MSTO1: variants seen among roughly 807,000 people sequenced by gnomAD.
The protein encoded by MSTO1 is protein misato homolog 1.
In MSTO1, 24 loss-of-function variants were observed where a neutral mutation model predicts 55.7. That is an observed-to-expected ratio of 0.43 (90% confidence interval 0.31 to 0.61). The LOEUF (loss-of-function observed/expected upper bound fraction) is 0.61, where lower values mean the gene tolerates loss of function less well. Ranked by LOEUF, MSTO1 falls within the 20% of genes least tolerant of loss-of-function variation. MSTO1 has a pLI of 0.09. For missense variants in MSTO1, 363 were observed against 625.7 expected (o/e 0.58, Z 4.48); for synonymous variants, 162 against 252.8 (o/e 0.64, Z 3.41).
At chr1:155,606,208 T>A (rs1167988841), upstream of MSTO1, among the ~76,000 whole-genome samples, 7 of 121,012 alleles carry the variant, frequency 5.8e-5, no homozygotes, top group African/African-American at 2.1e-4. Flanking sequence ...CTTTTTTTTT[T>A]TTTTTTTTTT....
Position 155,612,492 on chromosome 1 carries a change from T to G in MSTO1, c.888T>G (p.Leu296=). ...TGCACCTGACTGCTCACAGCTCTCT[T>G]GTCTGCCCCTTGTCCTTGGGTGGGA... ...GLVHLTAHSS[L]VCPLSLGGSL... is the part of the protein sequence containing the mutation. Residue 296 remains leucine, a synonymous_variant, in exon 9 of 14, where the codon CTT becomes CTG. Transcript: ENST00000245564. 6.2e-7 allele frequency: 1 copy of G among 1,613,902 alleles called. No individual in the cohort carries two copies. Among genetic ancestry groups the G allele is most frequent in the Non-Finnish European group, 8.5e-7 (1 of 1,179,886 alleles).
At chr1:155,594,144 G>A in the MSTO1 span, among the ~76,000 whole-genome samples, 2 of 152,094 alleles carry the variant, frequency 1.3e-5, no homozygotes, top group South Asian at 2.1e-4. Context: ...GCTCACACCT[G>A]TAATCTCAGT....
At chr1:155,563,554 T>C in the MSTO1 span, 3 of 456,296 alleles carry the variant, frequency 6.6e-6, no homozygotes, top group Admixed American at 2.3e-5. Context: ...CCACTGTCCA[T>C]ATGCGATGAT....
upstream of MSTO1, among the ~76,000 whole-genome samples, chr1:155,607,958 C>G (rs1672966092): frequency 6.6e-6 from 1 of 152,184 alleles, no homozygotes; most frequent in Admixed American, 6.5e-5. Flanking sequence ...GAGATTGCAC[C>G]ACTGCACTCC....
At chr1:155,597,808 C>T in the MSTO1 span, among the ~76,000 whole-genome samples, 1 of 150,656 alleles carries the variant, frequency 6.6e-6, no homozygotes, top group African/African-American at 2.4e-5. Flanking sequence ...CAGCACCCAG[C>T]CACTACTTTT....
At chr1:155,571,714 G>A in the MSTO1 span, among the ~76,000 whole-genome samples, 1 of 152,124 alleles carries the variant, frequency 6.6e-6, no homozygotes, top group African/African-American at 2.4e-5. Flanking sequence ...ACAGCATAAG[G>A]AATTCTGCTT....
the MSTO1 span, among the ~76,000 whole-genome samples, chr1:155,574,120 G>A: frequency 7.6e-3 from 1,161 of 152,100 alleles, 4 homozygotes; most frequent in Middle Eastern, 0.048. Flanking sequence ...ACTTTTAGGA[G>A]GCAGAGGCAG....
chr1:155,576,765 G>T, the MSTO1 span, among the ~76,000 whole-genome samples: 5,949 of 150,758 alleles, frequency 0.039, 396 homozygotes, highest in African/African-American at 0.14. Flanking sequence ...TGTAATCCCA[G>T]CACTTTGGGA....
chr1:155,590,624 A>T, the MSTO1 span: 2 of 1,377,990 alleles, frequency 1.5e-6, no homozygotes, highest in Middle Eastern at 1.9e-4. Flanking sequence ...TTGGTAGGGT[A>T]CTCAGAGGTC....
chr1:155,591,088 G>A, the MSTO1 span: 2 of 1,613,648 alleles, frequency 1.2e-6, no homozygotes, highest in African/African-American at 1.3e-5. Context: ...CATCTGGCTA[G>A]TGCTCTGCAC....
the MSTO1 span, among the ~76,000 whole-genome samples, chr1:155,576,236 T>A: frequency 1.3e-5 from 2 of 152,226 alleles, no homozygotes; most frequent in African/African-American, 4.8e-5. Context: ...CTGTGGGTTG[T>A]CTTCCACTTA....
Position 155,613,235 on chromosome 1 carries a change from T to G in MSTO1, c.1283+2T>G, listed in dbSNP as rs768834113. ...TATAGACAGAGCATGCCACACAAGG[T>G]GAGAGCTGTTGGTCCTTAGGAGTCC... On this transcript the variant is annotated splice_donor_variant, in intron 11 of 13. Transcript: ENST00000245564. LOFTEE classifies it high-confidence loss of function. The G allele has an allele frequency of 6.2e-7, 1 of 1,612,440 alleles. No individual in the cohort carries two copies. The highest frequency in any genetic ancestry group is 1.1e-5 in the South Asian group (1 of 90,988).
the MSTO1 span, chr1:155,563,289 G>C: frequency 6.6e-5 from 30 of 456,162 alleles, no homozygotes; most frequent in Admixed American, 2.1e-4. Flanking sequence ...CAGGCGGTGT[G>C]TGCCGGTCGC....
the MSTO1 span, chr1:155,598,875 C>T: frequency 1.4e-6 from 2 of 1,455,870 alleles, no homozygotes; most frequent in Non-Finnish European, 1.9e-6. Context: ...TTATTCATTT[C>T]TGTGCAAAAC....
At chr1:155,575,224 A>G in the MSTO1 span, among the ~76,000 whole-genome samples, 3 of 151,694 alleles carry the variant, frequency 2.0e-5, no homozygotes, top group Admixed American at 6.6e-5. Flanking sequence ...CAAAAAAAAA[A>G]AGAGAGAGAG....
chr1:155,569,760 T>G, the MSTO1 span, among the ~76,000 whole-genome samples: 3 of 151,956 alleles, frequency 2.0e-5, no homozygotes, highest in Non-Finnish European at 2.9e-5. Context: ...GGTTTTTTTG[T>G]TTTTTTAGGT....
the MSTO1 span, among the ~76,000 whole-genome samples, chr1:155,595,136 TAA>T: frequency 1.2e-4 from 11 of 89,332 alleles, no homozygotes; most frequent in African/African-American, 2.7e-4. Flanking sequence ...AGATTCTGTC[TAA>T]AAAAAAAAAA....
chr1:155,563,512 G>A, the MSTO1 span: 1 of 456,328 alleles, frequency 2.2e-6, no homozygotes, highest in Non-Finnish European at 4.4e-6. Context: ...TTTTGTTGTT[G>A]TTAACCCTCC....
the MSTO1 span, among the ~76,000 whole-genome samples, chr1:155,602,955 A>C: frequency 6.6e-6 from 1 of 152,188 alleles, no homozygotes; most frequent in African/African-American, 2.4e-5. Context: ...CTGGATATAA[A>C]GCAGAGTCAC....
Sources: gnomAD v4.1 joint callset for allele counts (sites outside exome capture counted in the v4.1 genomes callset) on GRCh38, gnomAD v4.1.1 for gene constraint, MANE v1.5 for transcripts, NCBI Gene and HGNC (gene_info 2026-07-23, HGNC 2026-07-21) for gene names.